Variants in GALNT13 observed in about 807,000 individuals in gnomAD.
GALNT13 encodes the protein polypeptide N-acetylgalactosaminyltransferase 13.
In GALNT13, 28 loss-of-function variants were observed where a neutral mutation model predicts 64.2. That is an observed-to-expected ratio of 0.44 (90% confidence interval 0.32 to 0.60). GALNT13 has a LOEUF of 0.60. Ranked by LOEUF, GALNT13 falls within the 20% of genes least tolerant of loss-of-function variation. The pLI is 0.05. For synonymous variants in GALNT13, 214 were observed against 224.6 expected (o/e 0.95, Z 0.42); for missense variants, 577 against 669.8 (o/e 0.86, Z 1.53).
intron 4 of GALNT13, among the ~76,000 whole-genome samples, chr2:154,153,339 C>T (rs940172166): frequency 1.3e-5 from 2 of 152,178 alleles, no homozygotes; most frequent in African/African-American, 4.8e-5. Flanking sequence ...TCTGCCCCTA[C>T]TGGGGGGTGC....
At chr2:153,790,551 A>G in the GALNT13 span, among the ~76,000 whole-genome samples, 14 of 152,182 alleles carry the variant, frequency 9.2e-5, no homozygotes, top group African/African-American at 2.9e-4. Flanking sequence ...CAAGACATGG[A>G]TGCCATCTCT....
chr2:153,912,761 A>G (rs1689046899), intron 2 of GALNT13, among the ~76,000 whole-genome samples: 1 of 152,142 alleles, frequency 6.6e-6, no homozygotes, highest in Non-Finnish European at 1.5e-5. Flanking sequence ...CTGGCCCCTC[A>G]TGGTTAGGAA....
the GALNT13 span, among the ~76,000 whole-genome samples, chr2:153,630,789 ATATATATATATATATATATTT>A: frequency 5.7e-3 from 71 of 12,386 alleles, 2 homozygotes; most frequent in African/African-American, 0.018. Context: ...ATATATATAT[ATATATATATATATATATATTT>A]TTTTTTTTTT....
the GALNT13 span, among the ~76,000 whole-genome samples, chr2:153,785,713 C>T: frequency 4.0e-5 from 6 of 151,840 alleles, no homozygotes; most frequent in Admixed American, 1.3e-4. Flanking sequence ...TGCTGGGGAG[C>T]TTGTTGGGTC....
chr2:153,892,821 C>T (rs1328554063), intron 1 of GALNT13, among the ~76,000 whole-genome samples: 1 of 151,864 alleles, frequency 6.6e-6, no homozygotes, highest in Non-Finnish European at 1.5e-5. Flanking sequence ...TATGATTCGA[C>T]ATGTGAACCC....
At chr2:153,196,898 C>T in the GALNT13 span, among the ~76,000 whole-genome samples, 40 of 152,294 alleles carry the variant, frequency 2.6e-4, no homozygotes, top group Non-Finnish European at 4.7e-4. Context: ...TGCCACTGCT[C>T]GTACCTCCCC....
intron 8 of GALNT13, among the ~76,000 whole-genome samples, chr2:154,291,634 G>T (rs981716779): frequency 6.6e-6 from 1 of 152,122 alleles, no homozygotes; most frequent in African/African-American, 2.4e-5. Context: ...GAACCCGGCC[G>T]GCCCACGGGT....
chr2:153,080,576 G>A, the GALNT13 span, among the ~76,000 whole-genome samples: 1 of 151,830 alleles, frequency 6.6e-6, no homozygotes, highest in Admixed American at 6.6e-5. Context: ...TAAATGTTTT[G>A]TTTACCCTTG....
the GALNT13 span, among the ~76,000 whole-genome samples, chr2:153,133,237 A>G: frequency 6.6e-6 from 1 of 152,068 alleles, no homozygotes; most frequent in African/African-American, 2.4e-5. Context: ...CCAGTTGTAA[A>G]GGGACTAACG....
chr2:153,470,591 C>T, the GALNT13 span, among the ~76,000 whole-genome samples: 1 of 152,138 alleles, frequency 6.6e-6, no homozygotes, highest in African/African-American at 2.4e-5. Context: ...GTCTGAGTGA[C>T]ACTAGATATC....
chr2:154,199,649 T>C (rs1687066855), intron 4 of GALNT13, among the ~76,000 whole-genome samples: 1 of 152,056 alleles, frequency 6.6e-6, no homozygotes, highest in Non-Finnish European at 1.5e-5. Context: ...TGCTTATGTA[T>C]GTATTAGAAT....
At chr2:153,478,413 C>G in the GALNT13 span, 4 of 1,614,126 alleles carry the variant, frequency 2.5e-6, no homozygotes. Context: ...GCATTATGTA[C>G]AGGCTACGCT....
At position 154,283,513 on chromosome 2, in the gene GALNT13, AT is replaced by A. The variant is rs1401920702; in HGVS notation, c.976-17895del. ...TTAATTTCTGATTTTTTTACTATATATAAATTATACTTCGAGATCGCACCAC... is the reference window on the plus strand; with the variant it reads ...TTAATTTCTGATTTTTTTACTATATAAAATTATACTTCGAGATCGCACCAC... On this transcript the variant is annotated intron_variant, in intron 8 of 12. Coordinates refer to ENST00000392825, the MANE Select transcript of GALNT13 (RefSeq NM_052917.4). 5.3e-5 allele frequency among the ~76,000 whole-genome samples: 8 copies of A among 151,818 alleles called. No homozygotes were observed. The South Asian group carries it at 1.7e-3, about 31-fold the overall frequency.
chr2:153,420,404 T>A, the GALNT13 span, among the ~76,000 whole-genome samples: 1 of 152,150 alleles, frequency 6.6e-6, no homozygotes, highest in African/African-American at 2.4e-5. Context: ...GTCATACAGA[T>A]CATGCTTCTG....
the GALNT13 span, among the ~76,000 whole-genome samples, chr2:153,122,563 A>T: frequency 1.3e-5 from 2 of 152,082 alleles, no homozygotes; most frequent in East Asian, 3.9e-4. Flanking sequence ...ACATTTTCTG[A>T]TTAAGAGGAT....
chr2:153,276,906 G>A, the GALNT13 span, among the ~76,000 whole-genome samples: 1 of 152,086 alleles, frequency 6.6e-6, no homozygotes, highest in South Asian at 2.1e-4. Flanking sequence ...TGAATTTCAA[G>A]TAATCAATAT....
chr2:153,437,775 T>C, the GALNT13 span, among the ~76,000 whole-genome samples: 10 of 152,274 alleles, frequency 6.6e-5, no homozygotes, highest in East Asian at 1.9e-3. Flanking sequence ...CTTGACTCTT[T>C]ATCCAATTTA....
chr2:153,912,005 G>T (rs1193795246), intron 2 of GALNT13, among the ~76,000 whole-genome samples: 1 of 152,090 alleles, frequency 6.6e-6, no homozygotes, highest in African/African-American at 2.4e-5. Flanking sequence ...TGCTTCCCAA[G>T]TTGCTTCCAT....
At chr2:154,375,355 A>G (rs1376720239) in intron 9 of GALNT13, among the ~76,000 whole-genome samples, 1 of 152,138 alleles carries the variant, frequency 6.6e-6, no homozygotes, top group Admixed American at 6.6e-5. Flanking sequence ...ATAGAGCTAT[A>G]CATAGGGACA....
Sources: allele counts gnomAD v4.1 joint callset (sites outside exome capture counted in the v4.1 genomes callset), GRCh38; gene constraint gnomAD v4.1.1; transcripts MANE v1.5; gene names NCBI Gene and HGNC (gene_info 2026-07-23, HGNC 2026-07-21).